DPP6: variants seen among roughly 807,000 people sequenced by gnomAD.
DPP6 encodes the protein A-type potassium channel modulatory protein DPP6.
In DPP6, 69 loss-of-function variants were observed where a neutral mutation model predicts 122.6. That is an observed-to-expected ratio of 0.56 (90% CI 0.46 to 0.69). The LOEUF (loss-of-function observed/expected upper bound fraction) is 0.69. DPP6 is among the 30% of genes least tolerant of loss of function. The pLI, the probability that DPP6 is intolerant of heterozygous loss-of-function variation, is 0.00. For missense variants in DPP6, 928 were observed against 1,116.9 expected (o/e 0.83, Z 2.41); for synonymous variants, 418 against 433.1 (o/e 0.97, Z 0.43).
chr7:154,358,746 C>A (rs1237983072), intron 1 of DPP6, among the ~76,000 whole-genome samples: 1 of 152,182 alleles, frequency 6.6e-6, no homozygotes, highest in African/African-American at 2.4e-5. Context: ...AGCTCTGTCA[C>A]CCAGGCTGGA....
At chr7:154,047,921 G>A (rs1800104443), upstream of DPP6, among the ~76,000 whole-genome samples, 1 of 144,428 alleles carries the variant, frequency 6.9e-6, no homozygotes, top group Non-Finnish European at 1.5e-5. Context: ...TGGTAAGGTT[G>A]TGAGCAGCCC....
At chr7:153,836,208 C>A in the DPP6 span, among the ~76,000 whole-genome samples, 1 of 152,168 alleles carries the variant, frequency 6.6e-6, no homozygotes, top group African/African-American at 2.4e-5. Context: ...GAGGCCAATG[C>A]AAATCAACAA....
In DPP6 at chr7:154,624,504, T is replaced by C. The variant is rs79202577; in HGVS notation, c.628-13317T>C. Among the ~76,000 whole-genome samples the C allele has an allele frequency of 8.9e-3, 1,350 of 151,788 alleles. 17 individuals carry two copies. The highest frequency in any genetic ancestry group is 0.031 in the African/African-American group (1,276 of 41,364). On this transcript the variant is annotated intron_variant, in intron 5 of 25. Coordinates refer to ENST00000377770, the MANE Select transcript of DPP6 (RefSeq NM_130797.4). This position sits in a 1 kb window ranked among gnomAD's most constrained non-coding sequence, Gnocchi z 4.7. ...CAAACAAACAAACAAACAAAAAATATATGCAGAGAAGAGAGTACTTAGGAG... is the reference window on the plus strand; with the variant it reads ...CAAACAAACAAACAAACAAAAAATACATGCAGAGAAGAGAGTACTTAGGAG...
intron 1 of DPP6, among the ~76,000 whole-genome samples, chr7:153,922,664 T>G (rs1440790416): frequency 6.6e-6 from 1 of 152,240 alleles, no homozygotes; most frequent in Non-Finnish European, 1.5e-5. Flanking sequence ...TAATTTTTCT[T>G]TATAAAGTGG....
intron 1 of DPP6, among the ~76,000 whole-genome samples, chr7:154,123,251 C>T (rs1484360298): frequency 6.6e-6 from 1 of 152,182 alleles, no homozygotes; most frequent in East Asian, 1.9e-4. Context: ...TACTTCTGTC[C>T]TCCCAAGATC....
In DPP6 at chr7:154,175,782, C is replaced by T. The variant is rs1354407842; in HGVS notation, c.243+122719C>T. ...TCGCCCAGGCTGGAGTGCAGTGGCA[C>T]GATCTCGGCTCACTACAACCTCAGC... On this transcript the variant is annotated intron_variant, in intron 1 of 25. Coordinates refer to ENST00000377770, the MANE Select transcript of DPP6 (RefSeq NM_130797.4). 7.3e-5 allele frequency among the ~76,000 whole-genome samples: 11 copies of T among 149,702 alleles called. No individual in the cohort carries two copies. In the East Asian group the frequency reaches 8.1e-4, roughly 11 times the overall value.
intron 1 of DPP6, among the ~76,000 whole-genome samples, chr7:153,913,651 TA>T (rs1469573299): frequency 6.7e-6 from 1 of 148,174 alleles, no homozygotes; most frequent in African/African-American, 2.5e-5. Flanking sequence ...TTTGGCAAGG[TA>T]AAAGACTACT....
chr7:154,322,028 C>G (rs1808009502), intron 1 of DPP6, among the ~76,000 whole-genome samples: 2 of 151,936 alleles, frequency 1.3e-5, no homozygotes, highest in Admixed American at 6.6e-5. Context: ...CCAGCACTTT[C>G]TACAACCACA....
At chr7:154,344,219 C>T (rs1005192947) in intron 1 of DPP6, among the ~76,000 whole-genome samples, 11 of 152,178 alleles carry the variant, frequency 7.2e-5, no homozygotes, top group African/African-American at 2.4e-4. Context: ...CACACCCTCA[C>T]GTCTGTGTTC....
intron 1 of DPP6, among the ~76,000 whole-genome samples, chr7:154,296,804 C>T (rs927217349): frequency 6.6e-6 from 1 of 152,172 alleles, no homozygotes; most frequent in African/African-American, 2.4e-5. Context: ...TCAGCATTTC[C>T]CCAATCTGTA....
At chr7:154,452,934 C>T (rs1352744637) in intron 2 of DPP6, among the ~76,000 whole-genome samples, 1 of 152,214 alleles carries the variant, frequency 6.6e-6, no homozygotes, top group Non-Finnish European at 1.5e-5. Context: ...TCATTCATAT[C>T]TCCCTTGCTG....
In DPP6 at chr7:154,093,307, C is replaced by T. The variant is rs536328130; in HGVS notation, c.243+40244C>T. Among the ~76,000 whole-genome samples the T allele has an allele frequency of 1.3e-3, 195 of 146,180 alleles. 1 individual carries two copies. The highest frequency in any genetic ancestry group is 4.9e-3 in the African/African-American group (193 of 39,056). Reference sequence around the variant, plus strand: ...CACCATACACACACATCAAATACCACACCACATGCCACACAACCTACACAC... The same window carrying T: ...CACCATACACACACATCAAATACCATACCACATGCCACACAACCTACACAC... On this transcript the variant is annotated intron_variant, in intron 1 of 25. Transcript: ENST00000377770.
chr7:154,881,120 G>C, intron 21 of DPP6, 178 bp downstream of exon 21: 1 of 1,093,970 alleles, frequency 9.1e-7, no homozygotes, highest in Middle Eastern at 2.7e-4. Context: ...CATTTGATCA[G>C]CTCATTTTCC....
chr7:154,511,231 C>G (rs1163082737), intron 3 of DPP6, among the ~76,000 whole-genome samples: 1 of 152,004 alleles, frequency 6.6e-6, no homozygotes, highest in Non-Finnish European at 1.5e-5. Flanking sequence ...GTTTAAGGTA[C>G]TAGGACAAAA....
At chr7:154,379,203 A>C (rs1282030674) in intron 1 of DPP6, among the ~76,000 whole-genome samples, 1 of 152,190 alleles carries the variant, frequency 6.6e-6, no homozygotes, top group East Asian at 1.9e-4. Context: ...CAGAGACCCC[A>C]AGAACAGAGC....
At chr7:154,615,051 T>C (rs562517230) in intron 5 of DPP6, among the ~76,000 whole-genome samples, 6 of 152,266 alleles carry the variant, frequency 3.9e-5, no homozygotes, top group African/African-American at 1.4e-4. Flanking sequence ...GGTCAGAACT[T>C]AGTGTGTGTT....
chr7:154,385,873 C>A (rs1041577988), intron 1 of DPP6, among the ~76,000 whole-genome samples: 16 of 152,184 alleles, frequency 1.1e-4, no homozygotes, highest in African/African-American at 3.9e-4. Flanking sequence ...TGCAGCCCCT[C>A]ACAGCCTTTG....
At chr7:154,308,229 A>T (rs1471205636) in intron 1 of DPP6, among the ~76,000 whole-genome samples, 1 of 150,778 alleles carries the variant, frequency 6.6e-6, no homozygotes, top group Admixed American at 6.7e-5. Context: ...TGTGCTGAGG[A>T]TGGCCACAAA....
intron 7 of DPP6, among the ~76,000 whole-genome samples, chr7:154,673,562 A>G (rs1335847738): frequency 1.3e-5 from 2 of 152,206 alleles, no homozygotes; most frequent in African/African-American, 4.8e-5. Flanking sequence ...GCCAGAAGCC[A>G]CTTCTGTGAT....
Sources: allele counts gnomAD v4.1 joint callset (sites outside exome capture counted in the v4.1 genomes callset), GRCh38; gene constraint gnomAD v4.1.1; non-coding constraint Gnocchi (gnomAD v3.1); transcripts MANE v1.5; gene names NCBI Gene and HGNC (gene_info 2026-07-23, HGNC 2026-07-21).